ANKRD28: variants seen among roughly 807,000 people sequenced by gnomAD.
ANKRD28 encodes the protein serine/threonine-protein phosphatase 6 regulatory ankyrin repeat subunit A.
A neutral mutation model predicts 126.5 loss-of-function variants in ANKRD28; 44 were observed. The ratio of observed to expected loss-of-function variants is 0.35; its 90% CI spans 0.27 to 0.45. ANKRD28 has a LOEUF of 0.45. Among genes scored for constraint, ANKRD28 ranks in the 20% least tolerant of loss-of-function variants. ANKRD28 has a pLI of 1.00. For synonymous variants in ANKRD28, 442 were observed against 468.5 expected (o/e 0.94, Z 0.73); for missense variants, 1,110 against 1,316.6 (o/e 0.84, Z 2.43).
rs1177364022 is a variant in ANKRD28 at position 15,838,958 on chromosome 3, A to G, written c.27+20419T>C. Among the ~76,000 whole-genome samples the G allele has an allele frequency of 2.0e-5, 3 of 152,332 alleles. No individual in the cohort carries two copies. In the South Asian group the frequency reaches 6.2e-4, roughly 32 times the overall value. ...AGAACCAATTAATACATGTTACAAC[A>G]TGAATGAACCTCAACAACATTTATA... On this transcript the variant is annotated intron_variant, in intron 1 of 27. Transcript: ENST00000399451. This position sits in a 1 kb window ranked among gnomAD's most constrained non-coding sequence, Gnocchi z 4.0.
At chr3:15,776,207 T>C (rs2059259041) in intron 2 of ANKRD28, among the ~76,000 whole-genome samples, 2 of 152,226 alleles carry the variant, frequency 1.3e-5, no homozygotes, top group South Asian at 4.1e-4. Flanking sequence ...TCTCACACAG[T>C]GCTCATGGAA....
intron 4 of ANKRD28, among the ~76,000 whole-genome samples, chr3:15,742,386 G>T (rs966912985): frequency 6.7e-6 from 1 of 149,998 alleles, no homozygotes; most frequent in Non-Finnish European, 1.5e-5. Flanking sequence ...CCTCTGCCCC[G>T]CCGCCCCGTC....
chr3:15,677,686 G>T (rs902188124), intron 24 of ANKRD28, 124 bp from the exon 25 acceptor site: 3 of 567,078 alleles, frequency 5.3e-6, no homozygotes, highest in Admixed American at 6.1e-5. Context: ...TTAAGTACAA[G>T]AAAAATATTG....
chr3:15,827,047 C>T (rs2061082772), intron 1 of ANKRD28, among the ~76,000 whole-genome samples: 1 of 152,026 alleles, frequency 6.6e-6, no homozygotes, highest in Non-Finnish European at 1.5e-5. Flanking sequence ...CAGGGAAAGG[C>T]AAATTAAAAC....
At chr3:15,831,579 C>T (rs1343251361) in intron 1 of ANKRD28, among the ~76,000 whole-genome samples, 3 of 152,154 alleles carry the variant, frequency 2.0e-5, no homozygotes, top group Non-Finnish European at 2.9e-5. Flanking sequence ...GGAGAAAAAT[C>T]GCTCTCCCCT....
chr3:15,697,480 T>C (rs2069800740), intron 14 of ANKRD28: 1 of 152,004 alleles, frequency 6.6e-6, no homozygotes, highest in Non-Finnish European at 1.5e-5. Context: ...TGAAATAAAA[T>C]ACAATAAAAA....
intron 3 of ANKRD28, among the ~76,000 whole-genome samples, chr3:15,762,224 A>AC (rs2058519817): frequency 7.4e-5 from 8 of 107,696 alleles, no homozygotes; most frequent in African/African-American, 2.7e-4. Context: ...CAAAACAAAA[A>AC]AAAAAAAACT....
chr3:15,744,616 C>A (rs1311412763), intron 4 of ANKRD28, among the ~76,000 whole-genome samples: 1 of 152,096 alleles, frequency 6.6e-6, no homozygotes, highest in African/African-American at 2.4e-5. Flanking sequence ...CGCGCCTGGC[C>A]AATACAGTAT....
intron 3 of ANKRD28, among the ~76,000 whole-genome samples, chr3:15,754,348 T>A (rs2058043318): frequency 6.6e-6 from 1 of 152,190 alleles, no homozygotes; most frequent in South Asian, 2.1e-4. Flanking sequence ...TTGACTATCA[T>A]GGTATCATAA....
chr3:15,724,380 A>G lies in ANKRD28; in HGVS notation c.783+2T>C. 6.2e-7 allele frequency: 1 copy of G among 1,601,912 alleles called. No homozygotes were observed. Among genetic ancestry groups the G allele is most frequent in the Non-Finnish European group, 8.5e-7 (1 of 1,173,776 alleles). ...TTTATACTGTTCAATTAATATACCT[A>G]CATCAACTCCAAGATCTAGAAGGTA... On this transcript the variant is annotated splice_donor_variant, in intron 7 of 27. Transcript: ENST00000683139. LOFTEE classifies it high-confidence loss of function.
chr3:15,811,477 TAG>T (rs1559564164), intron 1 of ANKRD28, among the ~76,000 whole-genome samples: 1 of 152,168 alleles, frequency 6.6e-6, no homozygotes, highest in African/African-American at 2.4e-5. Context: ...TATTTTGAGA[TAG>T]AGTCTTGCTC....
chr3:15,685,937 G>C lies in ANKRD28; in HGVS notation c.2169+65C>G, dbSNP rs140561236. ...ATGAAGAAAAAATAAACATAACCTA[G>C]TTCAGTTCTAGGTAATATGAGGTCA... On this transcript the variant is annotated intron_variant, in intron 20 of 27. Transcript: ENST00000683139. 6.5e-6 allele frequency: 8 copies of C among 1,221,560 alleles called. No homozygotes were observed. In the East Asian group the frequency reaches 1.5e-4, roughly 23 times the overall value. The allele number at this position is 1,221,560 out of a possible 1,614,324, so 75.7% of individuals were successfully genotyped here. A position where few individuals can be genotyped will look rare whatever the true frequency, so the allele number is the denominator to read the frequency against.
chr3:15,674,833 G>C (rs1297768359), intron 27 of ANKRD28, among the ~76,000 whole-genome samples: 1 of 152,208 alleles, frequency 6.6e-6, no homozygotes, highest in Non-Finnish European at 1.5e-5. Flanking sequence ...ACGATCAGTT[G>C]TGCCAAAAGC....
chr3:15,793,841 C>T (rs1284565482), intron 2 of ANKRD28, among the ~76,000 whole-genome samples: 2 of 152,060 alleles, frequency 1.3e-5, no homozygotes, highest in East Asian at 1.9e-4. Flanking sequence ...CAAGGCGGGC[C>T]GATCACCTGA....
chr3:15,829,490 T>C (rs549203973), intron 1 of ANKRD28, among the ~76,000 whole-genome samples: 7 of 152,330 alleles, frequency 4.6e-5, no homozygotes, highest in African/African-American at 1.7e-4. Context: ...AATGAGCTTT[T>C]AGTACTTTTT....
At chr3:15,674,196 A>AAAAAAAAAAAAAAG (rs1470515364) in intron 27 of ANKRD28, among the ~76,000 whole-genome samples, 29 of 130,146 alleles carry the variant, frequency 2.2e-4, no homozygotes, top group East Asian at 1.0e-3. Flanking sequence ...AAAAAAAAAA[A>AAAAAAAAAAAAAAG]AAGAAGAAGA....
chr3:15,777,441 G>A (rs531341394), intron 2 of ANKRD28, among the ~76,000 whole-genome samples: 1 of 152,158 alleles, frequency 6.6e-6, no homozygotes, highest in Non-Finnish European at 1.5e-5. Flanking sequence ...GCAATCTTAG[G>A]GTGTGGGGGA....
In ANKRD28 at chr3:15,696,145, A is replaced by C. The variant is rs1179204910; in HGVS notation, c.1648T>G (p.Cys550Gly). The C allele has an allele frequency of 6.3e-7, 1 of 1,577,918 alleles. No individual in the cohort carries two copies. The highest frequency in any genetic ancestry group is 2.3e-5 in the East Asian group (1 of 44,074). The change falls in exon 15 of 28, where the codon TGT becomes GGT. Residue 550 changes from cysteine to glycine, a missense_variant. Physicochemically the swap from Cys to Gly is radical, Grantham distance 159 (BLOSUM62 -3). Transcript: ENST00000683139. ...HYSAAYGHRL[C>G]LQLIASETPL... Reference sequence around the variant, plus strand: ...TTCAGGAATCTTACCAGCTGAAGACATAGACGGTGACCATAAGCAGCTGAA... The same window carrying C: ...TTCAGGAATCTTACCAGCTGAAGACCTAGACGGTGACCATAAGCAGCTGAA...
intron 15 of ANKRD28, among the ~76,000 whole-genome samples, chr3:15,695,487 TTTC>T: frequency 6.6e-6 from 1 of 152,254 alleles, no homozygotes; most frequent in Non-Finnish European, 1.5e-5. Context: ...CAACCTCCCT[TTTC>T]TTGTTTTATA....
Sources: gnomAD v4.1 joint callset for allele counts (sites outside exome capture counted in the v4.1 genomes callset) on GRCh38, gnomAD v4.1.1 for gene constraint, Gnocchi (gnomAD v3.1) non-coding constraint, MANE v1.5 for transcripts, NCBI Gene and HGNC (gene_info 2026-07-23, HGNC 2026-07-21) for gene names.